LIG1: variants seen among roughly 807,000 people sequenced by gnomAD.
The protein encoded by LIG1 is DNA ligase 1.
In LIG1, 70 loss-of-function variants were observed where a neutral mutation model predicts 115.7. That is an observed-to-expected ratio of 0.60 (90% CI 0.50 to 0.74). The LOEUF (loss-of-function observed/expected upper bound fraction) is 0.74, where lower values mean the gene tolerates loss of function less well. Ranked by LOEUF, LIG1 falls within the 30% of genes least tolerant of loss-of-function variation. The pLI is 0.00. For synonymous variants in LIG1, 487 were observed against 495.3 expected, an observed-to-expected ratio of 0.98 and a Z score of 0.22; for missense variants, 1,115 against 1,225.6, an observed-to-expected ratio of 0.91 and a Z score of 1.35.
intron 6 of LIG1, among the ~76,000 whole-genome samples, chr19:48,153,640 AC>A (rs36185366): frequency 1.0e-4 from 2 of 19,652 alleles, no homozygotes; most frequent in Admixed American, 5.3e-4. Flanking sequence ...GATCCAAAAC[AC>A]ACACACACAC....
intron 9 of LIG1, among the ~76,000 whole-genome samples, chr19:48,144,491 T>G (rs915866346): frequency 6.6e-6 from 1 of 152,128 alleles, no homozygotes; most frequent in Non-Finnish European, 1.5e-5. Flanking sequence ...CAATCAGACA[T>G]GGGAGGAAGG....
intron 7 of LIG1, 116 bp from the exon 8 acceptor site, chr19:48,150,326 T>A: frequency 6.9e-7 from 1 of 1,448,090 alleles, no homozygotes; most frequent in Non-Finnish European, 9.6e-7. Context: ...TAACTACACC[T>A]ACCCTTTTCC....
chr19:48,150,947 C>T (rs1395057456), intron 7 of LIG1, among the ~76,000 whole-genome samples: 2 of 152,028 alleles, frequency 1.3e-5, no homozygotes, highest in East Asian at 3.9e-4. Flanking sequence ...GTAGTCCACC[C>T]ACCTCAGCCT....
In LIG1 at chr19:48,157,195, T is replaced by C. The variant is rs1312153718; in HGVS notation, c.244-55A>G. ...AGCGGGGGAAGGAGGGACTCCATTT[T>C]CCAAAAGTTGAGAGTAGAGGGGACT... On this transcript the variant is annotated intron_variant, in intron 4 of 27. Coordinates refer to ENST00000263274, the MANE Select transcript of LIG1 (RefSeq NM_000234.3). The C allele has an allele frequency of 1.9e-6, 3 of 1,557,868 alleles. No individual in the cohort carries two copies. In the African/African-American group the frequency reaches 4.1e-5, roughly 21 times the overall value.
intron 18 of LIG1, among the ~76,000 whole-genome samples, chr19:48,132,227 C>T (rs1011039906): frequency 2.6e-5 from 4 of 152,106 alleles, no homozygotes; most frequent in Non-Finnish European, 5.9e-5. Context: ...CTTACCTATC[C>T]CCAGGTGAGA....
At chr19:48,117,965 G>A in intron 25 of LIG1, 184 bp from the exon 26 acceptor site, 1 of 646,292 alleles carries the variant, frequency 1.5e-6, no homozygotes, top group South Asian at 1.9e-5. Context: ...GAAATAGAAA[G>A]AGAAACAGAA....
At chr19:48,124,359 G>A (rs1218038955) in intron 21 of LIG1, among the ~76,000 whole-genome samples, 1 of 152,190 alleles carries the variant, frequency 6.6e-6, no homozygotes, top group Non-Finnish European at 1.5e-5. Context: ...CTTCCTAGCT[G>A]GTGACTTCAG....
intron 21 of LIG1, among the ~76,000 whole-genome samples, chr19:48,125,145 A>C (rs538595473): frequency 6.6e-6 from 1 of 152,370 alleles, no homozygotes; most frequent in East Asian, 1.9e-4. Flanking sequence ...AGCTCAAACA[A>C]GTCCTATACA....
chr19:48,170,076 C>A (rs2036725560), intron 1 of LIG1, 165 bp downstream of exon 1: 1 of 400,938 alleles, frequency 2.5e-6, no homozygotes, highest in Non-Finnish European at 5.1e-6. Flanking sequence ...CACTCTCCGG[C>A]GGCCCGCAGC....
Position 48,140,050 on chromosome 19 carries a change from G to C in LIG1, c.1008C>G (p.Asn336Lys). The C allele has an allele frequency of 6.2e-7, 1 of 1,614,122 alleles. No individual in the cohort carries two copies. Among genetic ancestry groups the C allele is most frequent in the Non-Finnish European group, 8.5e-7 (1 of 1,180,050 alleles). ...DLLPVLYLSL[N>K]HLGPPQQGLE... The stretch of plus-strand genomic sequence containing the variant: ...GGCCCTGCTGGGGTGGCCCAAGGTG[G>C]TTGAGGCTGAGGTAGAGGACAGGGA... The change falls in exon 12 of 28, where the codon AAC becomes AAG. Residue 336 changes from asparagine to lysine, a missense_variant. Coordinates refer to ENST00000263274, the MANE Select transcript of LIG1 (RefSeq NM_000234.3).
In LIG1 at chr19:48,122,974, G is replaced by A; in HGVS notation, c.2192C>T (p.Ala731Val). Residue 731 changes from alanine to valine, a missense_variant, in exon 23 of 28, where the codon GCC (alanine) becomes GTC (valine). By Grantham distance (64) the Ala-to-Val change is moderately conservative. Coordinates refer to ENST00000263274, the MANE Select transcript of LIG1 (RefSeq NM_000234.3). The surrounding 1 kb of genome is among the most constrained non-coding windows in gnomAD (Gnocchi z 4.3). The part of the protein sequence containing the change: ...GLMVKTLDVD[A>V]TYEIAKRSHN... ...CGATCTCTTGGCGATCTCGTAGGTG[G>A]CATCAACATCCAGGGTCTTCACCAT... is the stretch of plus-strand genomic sequence containing the variant. 1 of 1,613,640 alleles carries A rather than the reference G, an allele frequency of 6.2e-7. No individual in the cohort carries two copies. The highest frequency in any genetic ancestry group is 8.5e-7 in the Non-Finnish European group (1 of 1,179,968).
At chr19:48,131,937 T>C (rs1209690380) in intron 18 of LIG1, among the ~76,000 whole-genome samples, 1 of 146,554 alleles carries the variant, frequency 6.8e-6, no homozygotes, top group Non-Finnish European at 1.5e-5. Flanking sequence ...ATCCACCCTT[T>C]TTTTTTTTTT....
chr19:48,166,006 C>G (rs1027944867), intron 1 of LIG1, among the ~76,000 whole-genome samples: 1 of 152,204 alleles, frequency 6.6e-6, no homozygotes, highest in Non-Finnish European at 1.5e-5. Flanking sequence ...ACCCGCTGGT[C>G]TACATAAATT....
At chr19:48,132,681 C>T (rs1370424266) in intron 18 of LIG1, among the ~76,000 whole-genome samples, 2 of 148,724 alleles carry the variant, frequency 1.3e-5, no homozygotes, top group Non-Finnish European at 3.0e-5. Flanking sequence ...GTCCCAGCTA[C>T]TTGGGAGGCT....
At chr19:48,132,468 G>A (rs2034088043) in intron 18 of LIG1, among the ~76,000 whole-genome samples, 1 of 152,026 alleles carries the variant, frequency 6.6e-6, no homozygotes, top group Non-Finnish European at 1.5e-5. Flanking sequence ...GAGGATTGTA[G>A]CTTCGGATAA....
At chr19:48,148,107 T>C (rs886265393) in intron 9 of LIG1, among the ~76,000 whole-genome samples, 3 of 152,064 alleles carry the variant, frequency 2.0e-5, no homozygotes, top group South Asian at 2.1e-4. Context: ...CAATAGGAGT[T>C]GGGGCCTGAG....
chr19:48,149,758 C>A lies in LIG1; in HGVS notation c.776+5G>T, dbSNP rs374214185. The A allele has an allele frequency of 3.7e-4, 599 of 1,612,732 alleles. No individual in the cohort carries two copies. The highest frequency in any genetic ancestry group is 1.8e-4 in the Non-Finnish European group (212 of 1,178,708). On this transcript the variant is annotated splice_donor_5th_base_variant and intron_variant, in intron 9 of 27. Transcript: ENST00000263274. ...GAACCTTTCCAGACCTGGACACTGACTCACCCCTCAGCAGCTCCCTCCTTT... is the reference window on the plus strand; with the variant it reads ...GAACCTTTCCAGACCTGGACACTGAATCACCCCTCAGCAGCTCCCTCCTTT...
At chr19:48,131,779 T>C (rs994876302) in intron 18 of LIG1, among the ~76,000 whole-genome samples, 2 of 152,194 alleles carry the variant, frequency 1.3e-5, no homozygotes, top group Admixed American at 6.5e-5. Flanking sequence ...TCACAGCCCT[T>C]GAGCAGGGCG....
At position 48,151,327 on chromosome 19, in the gene LIG1, G is replaced by C; in HGVS notation, c.479C>G (p.Pro160Arg). ...RKKEEEEEETPKESLTEAEVA... is the reference protein window; with the variant it reads ...RKKEEEEEETRKESLTEAEVA... ...TTCAGCCTCTGTGAGGCTTTCTTTC[G>C]GGGTCTCCTCTTCTGACGATAGACA... Residue 160 changes from proline to arginine, a missense_variant, in exon 7 of 28, where the codon CCG becomes CGG. By Grantham distance (103) the Pro-to-Arg change is moderately radical. Coordinates refer to ENST00000263274, the MANE Select transcript of LIG1 (RefSeq NM_000234.3). 1 of 1,610,518 alleles carries C rather than the reference G, an allele frequency of 6.2e-7. No individual in the cohort carries two copies. Among genetic ancestry groups the C allele is most frequent in the Non-Finnish European group, 8.5e-7 (1 of 1,176,880 alleles).
Sources: allele counts gnomAD v4.1 joint callset (sites outside exome capture counted in the v4.1 genomes callset), GRCh38; gene constraint gnomAD v4.1.1; non-coding constraint Gnocchi (gnomAD v3.1); transcripts MANE v1.5; gene names NCBI Gene and HGNC (gene_info 2026-07-23, HGNC 2026-07-21).